Variants in DSE observed in about 807,000 individuals in gnomAD.
The protein encoded by DSE is dermatan sulfate epimerase, also known as dermatan-sulfate epimerase.
DSE carries 36 observed loss-of-function variants against 84.4 expected under a neutral mutation model. The ratio of observed to expected loss-of-function variants is 0.43; its 90% CI spans 0.33 to 0.56. The LOEUF is 0.56. Among genes scored for constraint, DSE ranks in the 20% least tolerant of loss-of-function variants. The pLI, the probability that DSE is intolerant of heterozygous loss-of-function variation, is 0.06. For synonymous variants in DSE, 410 were observed against 430.1 expected (o/e 0.95, Z 0.58); for missense variants, 862 against 1,169.6 (o/e 0.74, Z 3.84).
intron 2 of DSE, among the ~76,000 whole-genome samples, chr6:116,269,115 C>T (rs1772764256): frequency 6.6e-6 from 1 of 152,030 alleles, no homozygotes; most frequent in Admixed American, 6.5e-5. Flanking sequence ...GACCCCACAC[C>T]TTTGTATGCT....
intron 2 of DSE, among the ~76,000 whole-genome samples, chr6:116,309,717 T>C (rs1383860798): frequency 1.3e-5 from 2 of 152,212 alleles, no homozygotes; most frequent in Non-Finnish European, 2.9e-5. Flanking sequence ...AACCGCAAGA[T>C]GGTTCAAGAT....
chr6:116,262,497 A>G (rs1241351452), intron 2 of DSE, among the ~76,000 whole-genome samples: 2 of 151,652 alleles, frequency 1.3e-5, no homozygotes, highest in African/African-American at 4.8e-5. Context: ...GTTTATTTGA[A>G]TCCTCTCTCT....
In DSE at chr6:116,325,825, G is replaced by A. The variant is rs1005104431; in HGVS notation, c.-54+66858G>A. The stretch of plus-strand genomic sequence containing the variant: ...AAGGAAGGGGTTTGTTCAGCCGGGG[G>A]CATCGGCAAGACTCCTGTCTCAAGA... On this transcript the variant is annotated intron_variant, in intron 2 of 3. Transcript: ENST00000430252. Among the ~76,000 whole-genome samples the A allele has an allele frequency of 1.4e-4, 21 of 152,176 alleles. 1 individual carries two copies. Among genetic ancestry groups the A allele is most frequent in the Admixed American group, 1.2e-3 (18 of 15,286 alleles).
intron 2 of DSE, among the ~76,000 whole-genome samples, chr6:116,282,407 A>G (rs1354055259): frequency 7.2e-5 from 11 of 152,190 alleles, no homozygotes; most frequent in Admixed American, 7.2e-4. Context: ...ATCTTAGAAT[A>G]TATGGCTTTA....
chr6:116,417,241 T>A (rs1298952676), intron 2 of DSE, among the ~76,000 whole-genome samples: 1 of 152,212 alleles, frequency 6.6e-6, no homozygotes, highest in Admixed American at 6.5e-5. Context: ...ATAAATGTTG[T>A]TTGATTCCAT....
intron 2 of DSE, among the ~76,000 whole-genome samples, chr6:116,338,212 CTTCT>C (rs1159272437): frequency 1.5e-5 from 2 of 131,142 alleles, no homozygotes; most frequent in South Asian, 2.4e-4. Context: ...TACCTTCTTT[CTTCT>C]TTCTTTTTTT....
At chr6:116,323,656 A>T (rs1776458356) in intron 2 of DSE, among the ~76,000 whole-genome samples, 1 of 152,248 alleles carries the variant, frequency 6.6e-6, no homozygotes, top group Admixed American at 6.5e-5. Context: ...CAACACAAAG[A>T]TTTTTAAATA....
intron 1 of DSE, among the ~76,000 whole-genome samples, chr6:116,371,695 G>A (rs1181646695): frequency 1.3e-5 from 2 of 152,212 alleles, no homozygotes; most frequent in African/African-American, 4.8e-5. Context: ...CCTGGGCTCC[G>A]CCGGCACTCG....
At chr6:116,313,875 G>T (rs531634849) in intron 2 of DSE, among the ~76,000 whole-genome samples, 8 of 152,052 alleles carry the variant, frequency 5.3e-5, no homozygotes, top group Non-Finnish European at 1.0e-4. Flanking sequence ...AGAGTTTTAG[G>T]ACTCACTATG....
intron 2 of DSE, among the ~76,000 whole-genome samples, chr6:116,418,991 C>T (rs1355979266): frequency 6.6e-6 from 1 of 152,168 alleles, no homozygotes; most frequent in Non-Finnish European, 1.5e-5. Context: ...AGTACACTCC[C>T]CTCTCCTTTC....
At chr6:116,274,744 C>T (rs1328441491) in intron 2 of DSE, among the ~76,000 whole-genome samples, 1 of 152,196 alleles carries the variant, frequency 6.6e-6, no homozygotes, top group Non-Finnish European at 1.5e-5. Context: ...TTCAGTGCAT[C>T]TTAAGTACTC....
intron 2 of DSE, among the ~76,000 whole-genome samples, chr6:116,291,101 A>G (rs546443798): frequency 6.6e-6 from 1 of 152,294 alleles, no homozygotes; most frequent in East Asian, 1.9e-4. Flanking sequence ...GGGATGGCAT[A>G]CAAAAATCTG....
chr6:116,410,913 A>G (rs962068928), intron 2 of DSE, among the ~76,000 whole-genome samples: 1 of 152,130 alleles, frequency 6.6e-6, no homozygotes, highest in Non-Finnish European at 1.5e-5. Flanking sequence ...ATAAGACTTG[A>G]CAGTTGTATT....
At position 116,444,758 on chromosome 6, in the gene DSE, A is replaced by G. The variant is rs577586576; in HGVS notation, c.*7413A>G. On this transcript the variant is annotated 3_prime_UTR_variant, in exon 6 of 6. Coordinates refer to ENST00000644252, the MANE Select transcript of DSE (RefSeq NM_013352.4). The stretch of plus-strand genomic sequence containing the variant: ...ACAGTGAAAAGATGGCCATCTGTAA[A>G]CCAGGAAGTGAGTCCTCACCAGATA... The G allele has an allele frequency of 1.3e-5, 2 of 152,254 alleles. No individual in the cohort carries two copies. The highest frequency in any genetic ancestry group is 4.8e-5 in the African/African-American group (2 of 41,528). 9.4% of individuals were successfully genotyped at this position (152,254 alleles called of 1,614,324 possible). A position where few individuals can be genotyped will look rare whatever the true frequency, so the allele number is the denominator to read the frequency against.
intron 2 of DSE, among the ~76,000 whole-genome samples, chr6:116,299,504 T>A (rs11968126): frequency 0.47 from 4,885 of 10,418 alleles, 994 homozygotes; most frequent in Middle Eastern, 0.7. Context: ...TGAATTATTT[T>A]TATATATATA....
intron 2 of DSE, among the ~76,000 whole-genome samples, chr6:116,332,580 A>G (rs1253318320): frequency 6.6e-6 from 1 of 152,200 alleles, no homozygotes; most frequent in Non-Finnish European, 1.5e-5. Context: ...GTAAGAATAG[A>G]CAAAAATCAG....
chr6:116,362,485 G>C (rs1778957896), intron 2 of DSE, among the ~76,000 whole-genome samples: 1 of 152,208 alleles, frequency 6.6e-6, no homozygotes, highest in Non-Finnish European at 1.5e-5. Flanking sequence ...TGCCTTATAA[G>C]AGGGAGAAAG....
chr6:116,258,938 A>G (rs766027399), exon 2 of DSE: 19 of 1,538,548 alleles, frequency 1.2e-5, no homozygotes, highest in Non-Finnish European at 1.7e-5. Flanking sequence ...TTGTGGAAGC[A>G]TTTGGCGGCA....
intron 3 of DSE, among the ~76,000 whole-genome samples, chr6:116,430,184 C>T (rs1783732535): frequency 6.6e-6 from 1 of 152,058 alleles, no homozygotes; most frequent in Admixed American, 6.5e-5. Flanking sequence ...TTTGCCTTTC[C>T]AGTGGTTTCT....
Sources: gnomAD v4.1 joint callset for allele counts (sites outside exome capture counted in the v4.1 genomes callset) on GRCh38, gnomAD v4.1.1 for gene constraint, MANE v1.5 for transcripts, NCBI Gene and HGNC (gene_info 2026-07-23, HGNC 2026-07-21) for gene names.